The following THSD7A variants were observed in gnomAD, a reference collection of about 807,000 sequenced individuals.
THSD7A encodes thrombospondin type 1 domain containing 7A, also known as thrombospondin type-1 domain-containing protein 7A.
THSD7A carries 96 observed loss-of-function variants against 231.3 expected under a neutral mutation model. The ratio of observed to expected loss-of-function variants is 0.41; its 90% confidence interval spans 0.35 to 0.49. The LOEUF (loss-of-function observed/expected upper bound fraction) is 0.49, where lower values mean the gene tolerates loss of function less well. THSD7A is among the 20% of genes least tolerant of loss of function. The probability of loss-of-function intolerance (pLI) is 0.05; values close to 1 mark genes in which losing one functional copy is unlikely to be tolerated. For missense variants in THSD7A, 2,290 were observed against 2,070.2 expected, an observed-to-expected ratio of 1.11 and a Z score of -2.06; for synonymous variants, 940 against 743.3, an observed-to-expected ratio of 1.26 and a Z score of -4.30.
intron 11 of THSD7A, among the ~76,000 whole-genome samples, chr7:11,449,997 G>T (rs1180117860): frequency 6.6e-6 from 1 of 151,910 alleles, no homozygotes; most frequent in African/African-American, 2.4e-5. Flanking sequence ...AACTAAATTT[G>T]GGTTATTTGA....
At chr7:11,594,920 T>G (rs1780304991) in intron 2 of THSD7A, among the ~76,000 whole-genome samples, 1 of 152,156 alleles carries the variant, frequency 6.6e-6, no homozygotes, top group South Asian at 2.1e-4. Flanking sequence ...CCCTGCAACT[T>G]GGAATGCAGA....
chr7:11,601,737 C>T (rs187813892), intron 2 of THSD7A, among the ~76,000 whole-genome samples: 64 of 152,216 alleles, frequency 4.2e-4, no homozygotes, highest in Non-Finnish European at 5.4e-4. Flanking sequence ...TTATGGTAGA[C>T]GTCTGAATCT....
At chr7:11,488,168 T>C (rs1032403829) in intron 6 of THSD7A, among the ~76,000 whole-genome samples, 10 of 152,174 alleles carry the variant, frequency 6.6e-5, no homozygotes, top group Non-Finnish European at 1.5e-4. Context: ...GCCAGATCTA[T>C]ACAAAATCCG....
intron 4 of THSD7A, among the ~76,000 whole-genome samples, chr7:11,574,192 C>T (rs1790776373): frequency 6.6e-6 from 1 of 152,004 alleles, no homozygotes; most frequent in Non-Finnish European, 1.5e-5. Context: ...TTCACATAAC[C>T]CTGTTTTAAT....
At chr7:11,735,995 G>A (rs2128159122) in intron 1 of THSD7A, among the ~76,000 whole-genome samples, 1 of 151,888 alleles carries the variant, frequency 6.6e-6, no homozygotes, top group Admixed American at 6.6e-5. Flanking sequence ...ATTTAAATAT[G>A]TTGTTTTAGA....
intron 4 of THSD7A, among the ~76,000 whole-genome samples, chr7:11,560,628 T>C (rs565117834): frequency 6.6e-6 from 1 of 152,230 alleles, no homozygotes; most frequent in East Asian, 1.9e-4. Flanking sequence ...TGCTCCCTTA[T>C]AGCATGCAAC....
intron 1 of THSD7A, among the ~76,000 whole-genome samples, chr7:11,709,132 C>T (rs1780865047): frequency 6.6e-6 from 1 of 150,688 alleles, no homozygotes; most frequent in African/African-American, 2.4e-5. Context: ...ATGAACAAGA[C>T]AAGGCTATCG....
At chr7:11,564,207 T>A (rs1023419440) in intron 4 of THSD7A, among the ~76,000 whole-genome samples, 3 of 152,232 alleles carry the variant, frequency 2.0e-5, no homozygotes, top group African/African-American at 4.8e-5. Flanking sequence ...AGCATTCCTT[T>A]TTCTTTTCTC....
At chr7:11,756,629 T>C (rs1366410111) in intron 1 of THSD7A, among the ~76,000 whole-genome samples, 2 of 151,868 alleles carry the variant, frequency 1.3e-5, no homozygotes, top group Non-Finnish European at 2.9e-5. Flanking sequence ...AACCTGATCA[T>C]AAAGAAAAAG....
chr7:11,392,449 G>A (rs968347483), intron 23 of THSD7A, among the ~76,000 whole-genome samples: 1 of 152,130 alleles, frequency 6.6e-6, no homozygotes, highest in Non-Finnish European at 1.5e-5. Context: ...CACAAAACTG[G>A]GTGGCTGTTT....
At chr7:11,575,697 C>T (rs931207049) in intron 4 of THSD7A, among the ~76,000 whole-genome samples, 6 of 152,152 alleles carry the variant, frequency 3.9e-5, no homozygotes, top group African/African-American at 1.2e-4. Flanking sequence ...ACATCCATTT[C>T]GAAGTCTATC....
At chr7:11,743,164 C>T (rs1468128218) in intron 1 of THSD7A, among the ~76,000 whole-genome samples, 1 of 151,852 alleles carries the variant, frequency 6.6e-6, no homozygotes, top group Non-Finnish European at 1.5e-5. Flanking sequence ...CGAACACATA[C>T]AATTATTTTA....
At chr7:11,537,884 T>C (rs1788978615) in intron 6 of THSD7A, among the ~76,000 whole-genome samples, 2 of 152,166 alleles carry the variant, frequency 1.3e-5, no homozygotes, top group African/African-American at 2.4e-5. Context: ...TGCTTAGACA[T>C]AGGCCTTCTT....
In THSD7A at chr7:11,636,422, T is replaced by C. The variant is rs2128360371; in HGVS notation, c.730A>G (p.Ser244Gly). The change falls in exon 2 of 28, where the codon AGT becomes GGT. Residue 244 changes from serine (S) to glycine (G), a missense_variant. Coordinates refer to ENST00000423059, the MANE Select transcript of THSD7A (RefSeq NM_015204.3). The surrounding 1 kb of genome is among the most constrained non-coding windows in gnomAD (Gnocchi z 10.0). ...CTGAGCTCCTCGGCCTCGCATGGAC[T>C]GGATTGGCACACCTGGAACTCCGTC... ...NLTEFQVCQS[S>G]PCEAEELRYS... is the part of the protein sequence containing the mutation. 1 of 1,613,716 alleles carries C rather than the reference T, an allele frequency of 6.2e-7. No individual in the cohort carries two copies. The highest frequency in any genetic ancestry group is 8.5e-7 in the Non-Finnish European group (1 of 1,179,862).
At chr7:11,777,204 G>A (rs866576839) in intron 1 of THSD7A, among the ~76,000 whole-genome samples, 2 of 151,996 alleles carry the variant, frequency 1.3e-5, no homozygotes, top group South Asian at 2.1e-4. Context: ...TGTCTCCACC[G>A]GCATAAGGGG....
chr7:11,632,152 T>G lies in THSD7A; in HGVS notation c.1022+3978A>C, dbSNP rs1029048423. 6.6e-6 allele frequency among the ~76,000 whole-genome samples: 1 copy of G among 152,160 alleles called. No individual in the cohort carries two copies. The highest frequency in any genetic ancestry group is 6.5e-5 in the Admixed American group (1 of 15,270). ...TTGTGAAGTTAGCCTTTCCTCTCTC[T>G]TTATTTTTCAGTATTTTCCTGTCTA... On this transcript the variant is annotated intron_variant, in intron 2 of 27. Transcript: ENST00000423059. The surrounding 1 kb of genome is among the most constrained non-coding windows in gnomAD (Gnocchi z 4.1).
At chr7:11,404,879 G>C (rs1237094431) in intron 22 of THSD7A, among the ~76,000 whole-genome samples, 1 of 152,068 alleles carries the variant, frequency 6.6e-6, no homozygotes, top group African/African-American at 2.4e-5. Context: ...TCTTAGAACG[G>C]ATCTCTAGAA....
chr7:11,774,829 C>A (rs906419454), intron 1 of THSD7A, among the ~76,000 whole-genome samples: 3 of 152,150 alleles, frequency 2.0e-5, no homozygotes, highest in Non-Finnish European at 2.9e-5. Context: ...ACGAGGTGGA[C>A]AAATCACCTG....
chr7:11,397,018 C>T (rs1250199247), intron 23 of THSD7A, among the ~76,000 whole-genome samples: 1 of 152,102 alleles, frequency 6.6e-6, no homozygotes, highest in African/African-American at 2.4e-5. Flanking sequence ...TAAATAGAAC[C>T]AATGACAAAA....
Sources: gnomAD v4.1 joint callset for allele counts (sites outside exome capture counted in the v4.1 genomes callset) on GRCh38, gnomAD v4.1.1 for gene constraint, Gnocchi (gnomAD v3.1) non-coding constraint, MANE v1.5 for transcripts, NCBI Gene and HGNC (gene_info 2026-07-23, HGNC 2026-07-21) for gene names.